Variants in KCNIP4 observed in about 807,000 individuals in gnomAD.
KCNIP4 encodes Kv channel-interacting protein 4.
Under a neutral mutation model 34.0 loss-of-function variants are expected in KCNIP4, and 12 were observed. The observed-to-expected ratio is 0.35, with a 90% confidence interval of 0.23 to 0.57. The LOEUF (loss-of-function observed/expected upper bound fraction) is 0.57. KCNIP4 is among the 20% of genes least tolerant of loss of function. The pLI is 0.83. For missense variants in KCNIP4, 238 were observed against 311.7 expected, an observed-to-expected ratio of 0.76 and a Z score of 1.78; for synonymous variants, 124 against 102.2, an observed-to-expected ratio of 1.21 and a Z score of -1.29.
chr4:20,744,292 T>A (rs1360031423), intron 5 of KCNIP4, among the ~76,000 whole-genome samples: 2 of 152,156 alleles, frequency 1.3e-5, no homozygotes, highest in African/African-American at 2.4e-5. Flanking sequence ...TCATGCTGCT[T>A]TAAAGACACA....
chr4:20,794,699 C>A (rs1178127154), intron 3 of KCNIP4, among the ~76,000 whole-genome samples: 2 of 152,108 alleles, frequency 1.3e-5, no homozygotes, highest in African/African-American at 4.8e-5. Context: ...ATTTCTCGAT[C>A]TCTGTGTGGG....
intron 1 of KCNIP4, among the ~76,000 whole-genome samples, chr4:21,594,973 A>G (rs1178205206): frequency 6.6e-6 from 1 of 152,012 alleles, no homozygotes; most frequent in Admixed American, 6.6e-5. Flanking sequence ...TTTTAAAAAA[A>G]TTTATTATAC....
At chr4:20,988,442 T>A (rs1296394508) in intron 1 of KCNIP4, among the ~76,000 whole-genome samples, 4 of 152,222 alleles carry the variant, frequency 2.6e-5, no homozygotes, top group African/African-American at 9.6e-5. Context: ...TGGGATGATT[T>A]ATCTAAAACC....
intron 1 of KCNIP4, among the ~76,000 whole-genome samples, chr4:21,687,662 G>C (rs556197791): frequency 6.6e-6 from 1 of 152,248 alleles, no homozygotes; most frequent in Non-Finnish European, 1.5e-5. Flanking sequence ...GTTTGGATTT[G>C]TGCCTGTTTT....
intron 1 of KCNIP4, among the ~76,000 whole-genome samples, chr4:21,911,803 C>T (rs1728350353): frequency 6.6e-6 from 1 of 152,046 alleles, no homozygotes; most frequent in Non-Finnish European, 1.5e-5. Flanking sequence ...GCCCTCCAGT[C>T]TTCATCAGTA....
intron 1 of KCNIP4, among the ~76,000 whole-genome samples, chr4:21,250,516 A>G (rs1233979345): frequency 6.6e-6 from 1 of 152,172 alleles, no homozygotes; most frequent in African/African-American, 2.4e-5. Context: ...GTTTTCCAGG[A>G]GGAATACGCA....
At chr4:21,503,774 G>A (rs142910734) in intron 1 of KCNIP4, among the ~76,000 whole-genome samples, 193 of 152,310 alleles carry the variant, frequency 1.3e-3, no homozygotes, top group African/African-American at 4.4e-3. Flanking sequence ...GAATGCTAAG[G>A]CCAGATGAAA....
intron 1 of KCNIP4, among the ~76,000 whole-genome samples, chr4:21,222,155 G>C (rs1208866702): frequency 6.6e-6 from 1 of 152,062 alleles, no homozygotes; most frequent in Non-Finnish European, 1.5e-5. Flanking sequence ...AAGCAAATTT[G>C]AAATAAAAAA....
intron 1 of KCNIP4, among the ~76,000 whole-genome samples, chr4:21,174,298 A>C (rs1754237133): frequency 6.6e-6 from 1 of 152,220 alleles, no homozygotes; most frequent in Non-Finnish European, 1.5e-5. Flanking sequence ...GGTATTTTAG[A>C]TAAAAACAAG....
At chr4:21,045,972 A>T (rs1742391076) in intron 1 of KCNIP4, among the ~76,000 whole-genome samples, 1 of 152,176 alleles carries the variant, frequency 6.6e-6, no homozygotes, top group African/African-American at 2.4e-5. Flanking sequence ...GTGAAATGGT[A>T]GGTATTTAAA....
In KCNIP4 at chr4:21,534,888, G is replaced by A. The variant is rs115073723; in HGVS notation, c.61+413683C>T. Among the ~76,000 whole-genome samples the A allele has an allele frequency of 4.0e-3, 611 of 152,234 alleles. 2 individuals are homozygous for A. The highest frequency in any genetic ancestry group is 0.014 in the African/African-American group (577 of 41,520). ...CCCTGATCACAGTCAGCTTCACATC[G>A]TAGGGCTTTGAAACATGATGCTGTC... On this transcript the variant is annotated intron_variant, in intron 1 of 8. Transcript: ENST00000382152.
At chr4:21,531,580 T>A (rs1318978677) in intron 1 of KCNIP4, among the ~76,000 whole-genome samples, 1 of 152,032 alleles carries the variant, frequency 6.6e-6, no homozygotes, top group African/African-American at 2.4e-5. Context: ...TTTTGCCATG[T>A]TGGCCAGGCT....
chr4:21,631,287 G>A (rs189279132), intron 1 of KCNIP4, among the ~76,000 whole-genome samples: 197 of 152,254 alleles, frequency 1.3e-3, no homozygotes, highest in Non-Finnish European at 1.8e-3. Flanking sequence ...GAGAAAAAAA[G>A]ATAGTAATAT....
intron 1 of KCNIP4, among the ~76,000 whole-genome samples, chr4:21,084,868 C>T (rs1007016873): frequency 6.6e-6 from 1 of 151,554 alleles, no homozygotes. Context: ...CTACTAAATG[C>T]ATGAATACAT....
chr4:21,104,176 G>T (rs1403892811), intron 1 of KCNIP4, among the ~76,000 whole-genome samples: 14 of 77,770 alleles, frequency 1.8e-4, no homozygotes, highest in Non-Finnish European at 3.5e-4. Flanking sequence ...TTCCACAATG[G>T]TTGAAATGGT....
In KCNIP4 at chr4:21,080,122, C is replaced by T. The variant is rs529481160; in HGVS notation, c.62-197413G>A. On this transcript the variant is annotated intron_variant, in intron 1 of 8. Transcript: ENST00000382152. ...CATCTCCTGCATTTTCCCTGAGTGG[C>T]CATTTATAAATACATAGACTCTGAC... 1.4e-4 allele frequency among the ~76,000 whole-genome samples: 22 copies of T among 151,866 alleles called. No individual in the cohort carries two copies. In the South Asian group the frequency reaches 4.0e-3, roughly 27 times the overall value.
chr4:20,960,061 C>T (rs1733698308), intron 1 of KCNIP4, among the ~76,000 whole-genome samples: 1 of 152,084 alleles, frequency 6.6e-6, no homozygotes, highest in Non-Finnish European at 1.5e-5. Context: ...AAGAAAAGTT[C>T]CATAACAAAT....
At chr4:21,269,939 G>A (rs1047132167) in intron 1 of KCNIP4, among the ~76,000 whole-genome samples, 8 of 152,120 alleles carry the variant, frequency 5.3e-5, no homozygotes, top group Non-Finnish European at 1.2e-4. Flanking sequence ...ACAGTTTGGC[G>A]AAAGATCCTA....
chr4:20,975,832 T>C (rs1386180207), intron 1 of KCNIP4, among the ~76,000 whole-genome samples: 1 of 152,200 alleles, frequency 6.6e-6, no homozygotes. Context: ...TTGTTTCACA[T>C]GTAAAATAAT....
Sources: gnomAD v4.1 joint callset for allele counts (sites outside exome capture counted in the v4.1 genomes callset) on GRCh38, gnomAD v4.1.1 for gene constraint, MANE v1.5 for transcripts, NCBI Gene and HGNC (gene_info 2026-07-23, HGNC 2026-07-21) for gene names.